Variants in HSD17B14 observed in about 807,000 individuals in gnomAD.
HSD17B14 encodes the protein hydroxysteroid 17-beta dehydrogenase 14, also known as L-fucose dehydrogenase.
Under a neutral mutation model 32.2 loss-of-function variants are expected in HSD17B14, and 32 were observed. The observed-to-expected ratio is 0.99, with a 90% confidence interval of 0.75 to 1.33. The LOEUF is 1.33. Among genes scored for constraint, HSD17B14 ranks in the 40% most tolerant of loss-of-function variants. The probability of loss-of-function intolerance (pLI) is 0.00; values close to 1 mark genes in which losing one functional copy is unlikely to be tolerated. For synonymous variants in HSD17B14, 140 were observed against 155.4 expected (o/e 0.90, Z 0.74); for missense variants, 370 against 366.5 (o/e 1.01, Z -0.08).
chr19:48,834,541 G>A (rs2035432530), intron 2 of HSD17B14, among the ~76,000 whole-genome samples, 183 bp from the exon 3 acceptor site: 1 of 91,932 alleles, frequency 1.1e-5, no homozygotes, highest in African/African-American at 8.4e-5. Flanking sequence ...CTGGACTCCT[G>A]GGTCTGAGGG....
Position 48,834,373 on chromosome 19 carries a change from G to C in HSD17B14, c.128-15C>G, listed in dbSNP as rs749694838. ...GCCCCCAGACTCTGCAGGGAGAGAA[G>C]AGCTGGGAGCCTGGACCCCTGGGTC... On this transcript the variant is annotated splice_polypyrimidine_tract_variant and intron_variant, in intron 2 of 8. Coordinates refer to ENST00000263278, the MANE Select transcript of HSD17B14 (RefSeq NM_016246.3). 1.2e-6 allele frequency: 2 copies of C among 1,603,250 alleles called. No homozygotes were observed. Among genetic ancestry groups the C allele is most frequent in the South Asian group, 2.2e-5 (2 of 90,658 alleles).
At chr19:48,817,002 ATTTTT>A (rs758061335) in intron 5 of HSD17B14, among the ~76,000 whole-genome samples, 1 of 97,588 alleles carries the variant, frequency 1.0e-5, no homozygotes. Flanking sequence ...CACCAGGATA[ATTTTT>A]TTTTTTTTTT....
intron 5 of HSD17B14, among the ~76,000 whole-genome samples, chr19:48,827,856 T>C (rs1292937811): frequency 2.2e-5 from 3 of 138,894 alleles, no homozygotes; most frequent in South Asian, 2.2e-4. Context: ...TCCTTTTTTT[T>C]TTCTTTTTTT....
At chr19:48,824,553 G>A (rs1322567932) in intron 5 of HSD17B14, among the ~76,000 whole-genome samples, 4 of 151,052 alleles carry the variant, frequency 2.6e-5, no homozygotes, top group African/African-American at 4.9e-5. Flanking sequence ...GGCGGATCAC[G>A]AGGTCAGGAG....
chr19:48,819,952 C>A (rs1339100647), intron 5 of HSD17B14, among the ~76,000 whole-genome samples: 1 of 151,226 alleles, frequency 6.6e-6, no homozygotes, highest in African/African-American at 2.4e-5. Flanking sequence ...AGTTTGAGAC[C>A]AGTCTGGACA....
At chr19:48,830,888 G>A (rs2035325695) in intron 5 of HSD17B14, among the ~76,000 whole-genome samples, 1 of 108,522 alleles carries the variant, frequency 9.2e-6, no homozygotes, top group Non-Finnish European at 1.9e-5. Flanking sequence ...TGCCCAGGCT[G>A]TATGCAGTGG....
At chr19:48,817,378 C>T (rs1323120361) in intron 5 of HSD17B14, among the ~76,000 whole-genome samples, 1 of 144,836 alleles carries the variant, frequency 6.9e-6, no homozygotes, top group African/African-American at 2.6e-5. Flanking sequence ...GGGGTTTCAC[C>T]ATGTTAGCCA....
intron 4 of HSD17B14, 36 bp from the exon 5 acceptor site, chr19:48,831,795 G>C: frequency 7.9e-7 from 1 of 1,258,874 alleles, no homozygotes; most frequent in Non-Finnish European, 1.2e-6. Context: ...GAAAAGTGAC[G>C]GGGGCTGGAC....
intron 5 of HSD17B14, among the ~76,000 whole-genome samples, chr19:48,819,899 G>A (rs1295818227): frequency 1.3e-5 from 2 of 152,208 alleles, no homozygotes; most frequent in Non-Finnish European, 2.9e-5. Flanking sequence ...TGTAATCCCA[G>A]CATCTGGGGA....
chr19:48,813,503 A>T lies in HSD17B14; in HGVS notation c.592T>A (p.Leu198Ile). The change falls in exon 8 of 9, where the codon TTA (leucine) becomes ATA (isoleucine). Residue 198 changes from leucine (L) to isoleucine (I), a missense_variant. Coordinates refer to ENST00000263278, the MANE Select transcript of HSD17B14 (RefSeq NM_016246.3). ...WTPLWEELAA[L>I]MPDPRATIRE... The stretch of plus-strand genomic sequence containing the variant: ...ATTGTGGCCCTAGGGTCTGGCATTA[A>T]GGCTGCCAGCTCCTCCCACAGCGGG... The T allele has an allele frequency of 1.2e-6, 2 of 1,614,016 alleles. No individual in the cohort carries two copies. Among genetic ancestry groups the T allele is most frequent in the Non-Finnish European group, 1.7e-6 (2 of 1,179,956 alleles).
chr19:48,826,146 C>G (rs36014601), intron 5 of HSD17B14, among the ~76,000 whole-genome samples: 12,223 of 151,946 alleles, frequency 0.08, 1,632 homozygotes, highest in African/African-American at 0.28. Context: ...CTAAGAGAAA[C>G]AAGAAATGTG....
At chr19:48,819,544 T>C (rs2035111928) in intron 5 of HSD17B14, among the ~76,000 whole-genome samples, 2 of 152,148 alleles carry the variant, frequency 1.3e-5, no homozygotes, top group African/African-American at 4.8e-5. Flanking sequence ...GTTCTCTCAC[T>C]GGGCCCAGCT....
intron 5 of HSD17B14, among the ~76,000 whole-genome samples, chr19:48,826,542 T>TATATATATATATATATAGACAC: frequency 2.5e-5 from 2 of 80,110 alleles, no homozygotes; most frequent in African/African-American, 1.0e-4. Flanking sequence ...TATATATATA[T>TATATATATATATATATAGACAC]ACACACACAC....
intron 5 of HSD17B14, among the ~76,000 whole-genome samples, chr19:48,825,794 G>C (rs1335979893): frequency 6.6e-6 from 1 of 151,962 alleles, no homozygotes; most frequent in African/African-American, 2.4e-5. Context: ...CTGCCCCGCA[G>C]GTCCTGTTGA....
chr19:48,830,697 T>C (rs1364273245), intron 5 of HSD17B14, among the ~76,000 whole-genome samples: 2 of 152,040 alleles, frequency 1.3e-5, no homozygotes, highest in Non-Finnish European at 2.9e-5. Context: ...AATTTCCGTA[T>C]TTTTTGTAGA....
chr19:48,813,411 C>A (rs200545390), intron 8 of HSD17B14, 45 bp downstream of exon 8: 3 of 1,564,256 alleles, frequency 1.9e-6, no homozygotes, highest in Non-Finnish European at 2.6e-6. Context: ...ATGCCCCCCA[C>A]CCCCATGCCA....
intron 7 of HSD17B14, 41 bp downstream of exon 7, chr19:48,813,622 A>G: frequency 1.2e-6 from 2 of 1,613,308 alleles, no homozygotes; most frequent in Non-Finnish European, 1.7e-6. Context: ...CAGTCACCCC[A>G]GTCCCCCCAG....
At chr19:48,816,832 C>CTTTCTTTCTTTCTTTTCTTTT (rs1299846573) in intron 5 of HSD17B14, among the ~76,000 whole-genome samples, 2 of 41,316 alleles carry the variant, frequency 4.8e-5, no homozygotes, top group Non-Finnish European at 1.1e-4. Context: ...TCTTTTCTTT[C>CTTTCTTTCTTTCTTTTCTTTT]TCTCTCTCTC....
intron 5 of HSD17B14, among the ~76,000 whole-genome samples, chr19:48,816,830 T>TTCTTTTCTTTC (rs2035064918): frequency 1.3e-5 from 2 of 149,822 alleles, no homozygotes; most frequent in African/African-American, 2.5e-5. Flanking sequence ...TTTCTTTTCT[T>TTCTTTTCTTTC]TCTCTCTCTC....
Sources: gnomAD v4.1 joint callset for allele counts (sites outside exome capture counted in the v4.1 genomes callset) on GRCh38, gnomAD v4.1.1 for gene constraint, MANE v1.5 for transcripts, NCBI Gene and HGNC (gene_info 2026-07-23, HGNC 2026-07-21) for gene names.